Variants in DPY19L2 observed in about 807,000 individuals in gnomAD.
DPY19L2 encodes the protein probable C-mannosyltransferase DPY19L2.
In DPY19L2, 34 loss-of-function variants were observed where a neutral mutation model predicts 97.9. The observed-to-expected ratio is 0.35, with a 90% CI of 0.26 to 0.46. DPY19L2 has a LOEUF of 0.46. Ranked by LOEUF, DPY19L2 falls within the 20% of genes least tolerant of loss-of-function variation. DPY19L2 has a pLI of 1.00. For missense variants in DPY19L2, 623 were observed against 911.4 expected (o/e 0.68, Z 4.07); for synonymous variants, 230 against 307.9 (o/e 0.75, Z 2.65).
rs150991717 is a variant in DPY19L2, at chr12:63,651,201, T to C, written c.589-3836A>G. 1.2e-3 allele frequency among the ~76,000 whole-genome samples: 180 copies of C among 152,244 alleles called. No homozygotes were observed. The East Asian group carries it at 0.031, about 27-fold the overall frequency. On this transcript the variant is annotated intron_variant, in intron 4 of 21. Coordinates refer to ENST00000324472, the MANE Select transcript of DPY19L2 (RefSeq NM_173812.5). Reference sequence around the variant, plus strand: ...TGATGCTGGGATAACTGGCTAGCCATAAGCAGAAGACTGAAACTTCACCTT... The same window carrying C: ...TGATGCTGGGATAACTGGCTAGCCACAAGCAGAAGACTGAAACTTCACCTT...
chr12:63,618,576 T>C (rs185466886), intron 9 of DPY19L2, among the ~76,000 whole-genome samples: 3 of 152,012 alleles, frequency 2.0e-5, no homozygotes, highest in Non-Finnish European at 2.9e-5. Flanking sequence ...TGAGAGGCAG[T>C]TGGAAGACCA....
At chr12:63,591,990 G>A (rs1374017579) in intron 16 of DPY19L2, among the ~76,000 whole-genome samples, 4 of 24,786 alleles carry the variant, frequency 1.6e-4, no homozygotes, top group African/African-American at 1.0e-3. Context: ...GGAAGGGAAG[G>A]GAAGGGAGGG....
At chr12:63,657,866 T>C (rs1411376276) in intron 4 of DPY19L2, among the ~76,000 whole-genome samples, 1 of 152,202 alleles carries the variant, frequency 6.6e-6, no homozygotes, top group Non-Finnish European at 1.5e-5. Flanking sequence ...GGTTTAACCT[T>C]TGTACCAGCT....
At chr12:63,565,131 A>T (rs895830684) in intron 21 of DPY19L2, among the ~76,000 whole-genome samples, 2 of 152,182 alleles carry the variant, frequency 1.3e-5, no homozygotes, top group Non-Finnish European at 2.9e-5. Context: ...AAATTTCTTG[A>T]AAGTAGCCTA....
At chr12:63,668,781 C>T (rs12229564), upstream of DPY19L2, 8,042 of 209,674 alleles carry the variant, frequency 0.038, 336 homozygotes, top group East Asian at 0.11. Flanking sequence ...CCATGTACAG[C>T]CCCGGACGGG....
intron 6 of DPY19L2, among the ~76,000 whole-genome samples, chr12:63,634,109 T>C (rs562990308): frequency 7.2e-5 from 11 of 152,184 alleles, no homozygotes; most frequent in African/African-American, 2.4e-4. Flanking sequence ...ATATACCTAA[T>C]GTTAAATGAT....
At chr12:63,568,475 T>C (rs1041579237) in intron 21 of DPY19L2, among the ~76,000 whole-genome samples, 7 of 152,074 alleles carry the variant, frequency 4.6e-5, no homozygotes, top group African/African-American at 1.7e-4. Context: ...CTTTGGCTGC[T>C]AAATCCAACA....
chr12:63,635,206 C>G (rs1441936416), intron 6 of DPY19L2, among the ~76,000 whole-genome samples: 2 of 152,166 alleles, frequency 1.3e-5, no homozygotes, highest in African/African-American at 4.8e-5. Flanking sequence ...TCCAACAGAC[C>G]TGCAGCTGAG....
chr12:63,610,874 A>AAAAAAAAAC (rs1886879623), intron 11 of DPY19L2, among the ~76,000 whole-genome samples: 1 of 105,248 alleles, frequency 9.5e-6, no homozygotes, highest in African/African-American at 3.2e-5. Flanking sequence ...AAAAAAAAAA[A>AAAAAAAAAC]ACCACACACA....
In DPY19L2 at chr12:63,624,008, T is replaced by G. The variant is rs189742150; in HGVS notation, c.953+32A>C. On this transcript the variant is annotated intron_variant, in intron 8 of 21. Transcript: ENST00000324472. ...TATTTTAAGAAACTTAAATTATAATTTATTTGCCTTCGTTTTATAAATCGA... is the reference window on the plus strand; with the variant it reads ...TATTTTAAGAAACTTAAATTATAATGTATTTGCCTTCGTTTTATAAATCGA... 2.0e-4 allele frequency: 299 copies of G among 1,510,990 alleles called. No homozygotes were observed. The Admixed American group carries it at 4.9e-3, about 25-fold the overall frequency. The allele number at this position is 1,510,990 out of a possible 1,614,324, so 93.6% of individuals were successfully genotyped here.
chr12:63,569,937 G>A (rs1284238144), intron 20 of DPY19L2, among the ~76,000 whole-genome samples: 1 of 152,128 alleles, frequency 6.6e-6, no homozygotes, highest in Non-Finnish European at 1.5e-5. Context: ...TGCATTGGAT[G>A]TTGCTTAGAA....
intron 6 of DPY19L2, among the ~76,000 whole-genome samples, chr12:63,643,243 C>T (rs1892950428): frequency 6.6e-6 from 1 of 151,550 alleles, no homozygotes; most frequent in Non-Finnish European, 1.5e-5. Flanking sequence ...AATCCTTATA[C>T]TTATTACTAC....
intron 3 of DPY19L2, 44 bp downstream of exon 3, chr12:63,663,714 T>G (rs1444876658): frequency 6.6e-7 from 1 of 1,519,932 alleles, no homozygotes; most frequent in African/African-American, 1.4e-5. Context: ...ATAGTCTCGC[T>G]ATTCTTAAAC....
chr12:63,572,335 G>A (rs1421051217), intron 19 of DPY19L2, among the ~76,000 whole-genome samples: 1 of 152,258 alleles, frequency 6.6e-6, no homozygotes, highest in Admixed American at 6.5e-5. Flanking sequence ...AGACCCCTCT[G>A]CCTGGGGAAA....
chr12:63,663,687 T>G, intron 3 of DPY19L2, 71 bp downstream of exon 3: 9 of 1,327,794 alleles, frequency 6.8e-6, no homozygotes, highest in Non-Finnish European at 9.5e-6. Flanking sequence ...TTTCAATTCC[T>G]AATACATTTC....
At chr12:63,578,128 A>C (rs1412591653) in intron 19 of DPY19L2, among the ~76,000 whole-genome samples, 1 of 152,006 alleles carries the variant, frequency 6.6e-6, no homozygotes, top group African/African-American at 2.4e-5. Context: ...ACGAATGAGA[A>C]CCTGTCATAA....
intron 16 of DPY19L2, among the ~76,000 whole-genome samples, chr12:63,590,148 C>T (rs1216396067): frequency 6.6e-6 from 1 of 151,156 alleles, no homozygotes; most frequent in Non-Finnish European, 1.5e-5. Flanking sequence ...ACAACAACAA[C>T]AAAAACCCAC....
chr12:63,647,103 G>A, intron 5 of DPY19L2, 142 bp downstream of exon 5: 8 of 778,430 alleles, frequency 1.0e-5, no homozygotes, highest in Non-Finnish European at 1.4e-5. Flanking sequence ...ATTTTAAAAT[G>A]TAAAATACTC....
At chr12:63,633,591 T>C (rs1369104364) in intron 6 of DPY19L2, among the ~76,000 whole-genome samples, 1 of 152,020 alleles carries the variant, frequency 6.6e-6, no homozygotes, top group Non-Finnish European at 1.5e-5. Context: ...TGTGGAGAAA[T>C]AGGAACACTT....
Sources: gnomAD v4.1 joint callset for allele counts (sites outside exome capture counted in the v4.1 genomes callset) on GRCh38, gnomAD v4.1.1 for gene constraint, MANE v1.5 for transcripts, NCBI Gene and HGNC (gene_info 2026-07-23, HGNC 2026-07-21) for gene names.